The following AMY2B variants were observed in gnomAD, a reference collection of about 807,000 sequenced individuals.
The protein encoded by AMY2B is alpha-amylase 2B.
In AMY2B, 63 loss-of-function variants were observed where a neutral mutation model predicts 59.3. The observed-to-expected ratio is 1.06, with a 90% CI of 0.87 to 1.31. The LOEUF is 1.31. Ranked by LOEUF, AMY2B falls within the 50% of genes most tolerant of loss-of-function variation. The probability of loss-of-function intolerance (pLI) is 0.00; values close to 1 mark genes in which losing one functional copy is unlikely to be tolerated. For synonymous variants in AMY2B, 180 were observed against 198.1 expected (o/e 0.91, Z 0.77); for missense variants, 635 against 626.7 (o/e 1.01, Z -0.14).
chr1:103,557,976 G>T (rs1449575984), intron 1 of AMY2B, among the ~76,000 whole-genome samples: 1 of 151,958 alleles, frequency 6.6e-6, no homozygotes, highest in Admixed American at 6.6e-5. Context: ...ATTTAAACTC[G>T]CATTTCTTAT....
At chr1:103,557,497 C>T (rs1651595076) in intron 1 of AMY2B, among the ~76,000 whole-genome samples, 1 of 151,348 alleles carries the variant, frequency 6.6e-6, no homozygotes, top group Non-Finnish European at 1.5e-5. Flanking sequence ...ACTAAAAATA[C>T]AAAAAAAATT....
chr1:103,569,789 G>A (rs1399247448), upstream of AMY2B: 1 of 447,634 alleles, frequency 2.2e-6, no homozygotes, highest in African/African-American at 2.0e-5. Flanking sequence ...GACCAACTGG[G>A]ATGACATAGA....
upstream of AMY2B, chr1:103,570,325 G>C: frequency 1.5e-6 from 1 of 649,280 alleles, no homozygotes; most frequent in Non-Finnish European, 2.9e-6. Flanking sequence ...AGTGTCCCGA[G>C]ACGCTGTTCC....
chr1:103,575,310 T>C lies in AMY2B; in HGVS notation c.966T>C (p.Ala322=), dbSNP rs1171318199. ...DNHDNQRGHG[A]GGASILTFWD... is the part of the protein sequence containing the mutation. ...ATGACAATCAACGAGGACATGGGGCTGGAGGAGCCTCTATTCTTACCTTCT... is the reference window on the plus strand; with the variant it reads ...ATGACAATCAACGAGGACATGGGGCCGGAGGAGCCTCTATTCTTACCTTCT... Residue 322 remains alanine, a synonymous_variant, in exon 6 of 10, where the codon GCT becomes GCC. Coordinates refer to ENST00000684275, the MANE Select transcript of AMY2B (RefSeq NM_001387437.1). 2 of 1,613,568 alleles carry C rather than the reference T, an allele frequency of 1.2e-6. No homozygotes were observed. Among genetic ancestry groups the C allele is most frequent in the East Asian group, 2.2e-5 (1 of 44,858 alleles).
rs1190419806 is a variant in AMY2B at position 103,575,307 on chromosome 1, G to A, written c.963G>A (p.Gly321=). 1 of 1,613,586 alleles carries A rather than the reference G, an allele frequency of 6.2e-7. No homozygotes were observed. The highest frequency in any genetic ancestry group is 1.7e-5 in the Admixed American group (1 of 59,982). Residue 321 remains glycine, a synonymous_variant, in exon 6 of 10, where the codon GGG becomes GGA. Coordinates refer to ENST00000684275, the MANE Select transcript of AMY2B (RefSeq NM_001387437.1). The stretch of plus-strand genomic sequence containing the variant: ...ACCATGACAATCAACGAGGACATGG[G>A]GCTGGAGGAGCCTCTATTCTTACCT... ...VDNHDNQRGH[G]AGGASILTFW... is the part of the protein sequence containing the mutation.
At chr1:103,574,119 G>A (rs1652250307) in intron 4 of AMY2B, 141 bp from the exon 5 acceptor site, 4 of 1,471,646 alleles carry the variant, frequency 2.7e-6, no homozygotes, top group Middle Eastern at 2.5e-4. Flanking sequence ...AACAAAACAA[G>A]ACAAAAAGAA....
intron 1 of AMY2B, among the ~76,000 whole-genome samples, chr1:103,559,559 A>C (rs1486046621): frequency 6.6e-6 from 1 of 152,208 alleles, no homozygotes; most frequent in Non-Finnish European, 1.5e-5. Flanking sequence ...AGCCTTCAAA[A>C]AGCAGTGATA....
intron 3 of AMY2B, 34 bp downstream of exon 3, chr1:103,573,294 G>A (rs1832272): frequency 2.5e-6 from 4 of 1,612,902 alleles, no homozygotes; most frequent in African/African-American, 2.7e-5. Context: ...CTGAATAAGG[G>A]GTGATATATG....
At chr1:103,572,376 C>A (rs1652170546) in intron 2 of AMY2B, 120 bp downstream of exon 2, 12 of 1,478,490 alleles carry the variant, frequency 8.1e-6, no homozygotes, top group South Asian at 1.4e-5. Context: ...TTACTTCATA[C>A]TTTAAAACTC....
rs1384392597 is a variant in AMY2B at position 103,574,187 on chromosome 1, T to C, written c.745-73T>C. The C allele has an allele frequency of 1.9e-6, 3 of 1,595,070 alleles. No homozygotes were observed. The East Asian group carries it at 6.7e-5, about 36-fold the overall frequency. On this transcript the variant is annotated intron_variant, in intron 4 of 9. Coordinates refer to ENST00000684275, the MANE Select transcript of AMY2B (RefSeq NM_001387437.1). ...AAATAGCTTAAAGCTATCTTTTATA[T>C]AATATTAACTTATTGGTTAAAATGC... is the stretch of plus-strand genomic sequence containing the variant.
intron 1 of AMY2B, 94 bp from the exon 2 acceptor site, chr1:103,572,016 G>A: frequency 1.3e-6 from 2 of 1,586,138 alleles, no homozygotes; most frequent in Non-Finnish European, 1.7e-6. Context: ...CATATACCAA[G>A]ATTCAAGAAT....
At chr1:103,574,090 A>T in intron 4 of AMY2B, 152 bp downstream of exon 4, 1 of 1,497,670 alleles carries the variant, frequency 6.7e-7, no homozygotes, top group East Asian at 2.4e-5. Flanking sequence ...CAGCATATCT[A>T]ATTCTTTATC....
chr1:103,575,065 T>C (rs1466030401), intron 5 of AMY2B, among the ~76,000 whole-genome samples, 158 bp from the exon 6 acceptor site: 1 of 129,812 alleles, frequency 7.7e-6, no homozygotes, highest in Non-Finnish European at 1.5e-5. Flanking sequence ...TGTATGTATA[T>C]ATATATATAT....
Position 103,578,855 on chromosome 1 carries a change from G to T in AMY2B, c.1347-456G>T, listed in dbSNP as rs1405273998. Reference sequence around the variant, plus strand: ...TTTTAAATTATACTTTAAATTTTAGGGTACGGGGAGGGGGGAGGGATAGCA... The same window carrying T: ...TTTTAAATTATACTTTAAATTTTAGTGTACGGGGAGGGGGGAGGGATAGCA... On this transcript the variant is annotated intron_variant, in intron 9 of 9. Coordinates refer to ENST00000684275, the MANE Select transcript of AMY2B (RefSeq NM_001387437.1). Among the ~76,000 whole-genome samples the T allele has an allele frequency of 2.2e-5, 3 of 137,336 alleles. No homozygotes were observed. In the Admixed American group the frequency reaches 2.3e-4, roughly 10 times the overall value. 90.1% of individuals were successfully genotyped at this position (137,336 alleles called of 152,430 possible).
At chr1:103,557,728 G>T in intron 1 of AMY2B, among the ~76,000 whole-genome samples, 1 of 151,736 alleles carries the variant, frequency 6.6e-6, no homozygotes, top group African/African-American at 2.4e-5. Flanking sequence ...TTTGTATACC[G>T]TGATCTTTGA....
intron 1 of AMY2B, 103 bp downstream of exon 1, chr1:103,571,873 A>G (rs1652145783): frequency 6.2e-7 from 1 of 1,602,590 alleles, no homozygotes; most frequent in Non-Finnish European, 8.5e-7. Context: ...CTTCACAGGT[A>G]AGTATTCTAA....
chr1:103,574,465 C>A, intron 5 of AMY2B, 72 bp downstream of exon 5: 1 of 1,602,802 alleles, frequency 6.2e-7, no homozygotes, highest in South Asian at 1.1e-5. Flanking sequence ...TGTGAGTTAT[C>A]TTCTGGAACA....
chr1:103,577,083 T>C (rs1652385440), intron 7 of AMY2B, among the ~76,000 whole-genome samples: 1 of 152,032 alleles, frequency 6.6e-6, no homozygotes, highest in South Asian at 2.1e-4. Context: ...GAAAATTTTT[T>C]AAAAATTAGC....
chr1:103,566,514 T>G (rs927853520), intron 2 of AMY2B, among the ~76,000 whole-genome samples: 1 of 152,160 alleles, frequency 6.6e-6, no homozygotes, highest in African/African-American at 2.4e-5. Flanking sequence ...AAAATATATT[T>G]TTTTACTTTT....
Sources: allele counts gnomAD v4.1 joint callset (sites outside exome capture counted in the v4.1 genomes callset), GRCh38; gene constraint gnomAD v4.1.1; transcripts MANE v1.5; gene names NCBI Gene and HGNC (gene_info 2026-07-23, HGNC 2026-07-21).